The following ARHGEF38 variants were observed in gnomAD, a reference collection of about 807,000 sequenced individuals.
ARHGEF38 encodes the protein Rho guanine nucleotide exchange factor (GEF) 38.
A neutral mutation model predicts 79.9 loss-of-function variants in ARHGEF38; 79 were observed. The observed-to-expected ratio is 0.99, with a 90% CI of 0.82 to 1.19. The LOEUF is 1.19. ARHGEF38 is among the 50% of genes most tolerant of loss of function. The pLI, the probability that ARHGEF38 is intolerant of heterozygous loss-of-function variation, is 0.00. For missense variants in ARHGEF38, 962 were observed against 907.2 expected (o/e 1.06, Z -0.78); for synonymous variants, 366 against 328.3 (o/e 1.11, Z -1.24).
chr4:105,583,482 C>T (rs1388052802), intron 1 of ARHGEF38, among the ~76,000 whole-genome samples: 2 of 152,146 alleles, frequency 1.3e-5, no homozygotes, highest in Admixed American at 1.3e-4. Flanking sequence ...AGTTCATCTG[C>T]TAAAAACCAC....
intron 1 of ARHGEF38, among the ~76,000 whole-genome samples, chr4:105,556,442 C>T (rs541785491): frequency 1.9e-4 from 29 of 152,134 alleles, no homozygotes; most frequent in African/African-American, 6.3e-4. Context: ...AAGGAGGAAA[C>T]GGTCTATTCA....
intron 10 of ARHGEF38, among the ~76,000 whole-genome samples, chr4:105,665,367 C>T (rs905493829): frequency 3.3e-5 from 5 of 151,580 alleles, no homozygotes; most frequent in African/African-American, 9.7e-5. Context: ...CGTGGTGATG[C>T]GTGGCTATAA....
At chr4:105,614,959 G>A (rs970246555) in intron 3 of ARHGEF38, among the ~76,000 whole-genome samples, 1 of 152,158 alleles carries the variant, frequency 6.6e-6, no homozygotes, top group Non-Finnish European at 1.5e-5. Context: ...GGAGGATAAA[G>A]AAAACATTTC....
chr4:105,603,165 T>C (rs182698974), intron 2 of ARHGEF38, among the ~76,000 whole-genome samples: 1 of 152,242 alleles, frequency 6.6e-6, no homozygotes, highest in African/African-American at 2.4e-5. Context: ...CTACAATATA[T>C]TGAGTACTTA....
At position 105,640,677 on chromosome 4, in the gene ARHGEF38, G is replaced by A. The variant is rs371997086; in HGVS notation, c.674+4257G>A. On this transcript the variant is annotated intron_variant, in intron 5 of 13. Transcript: ENST00000420470. Reference sequence around the variant, plus strand: ...CTATTCCTCACAGAATGCATGGGAAGTAAAATGTTAAGAACTTTGTATCTG... The same window carrying A: ...CTATTCCTCACAGAATGCATGGGAAATAAAATGTTAAGAACTTTGTATCTG... Among the ~76,000 whole-genome samples the A allele has an allele frequency of 5.9e-5, 9 of 152,284 alleles. No individual in the cohort carries two copies. In the East Asian group the frequency reaches 1.7e-3, roughly 29 times the overall value.
chr4:105,566,541 C>T (rs2110411836), intron 1 of ARHGEF38, among the ~76,000 whole-genome samples: 1 of 152,280 alleles, frequency 6.6e-6, no homozygotes, highest in Admixed American at 6.5e-5. Flanking sequence ...TCACCTCAAG[C>T]ATTTATCCTT....
At chr4:105,562,869 C>T (rs892555638) in intron 1 of ARHGEF38, among the ~76,000 whole-genome samples, 12 of 152,130 alleles carry the variant, frequency 7.9e-5, no homozygotes, top group Admixed American at 7.2e-4. Flanking sequence ...AGGACATAAG[C>T]CTGGGCACAG....
intron 5 of ARHGEF38, among the ~76,000 whole-genome samples, chr4:105,640,717 T>A (rs1729583655): frequency 6.6e-6 from 1 of 152,198 alleles, no homozygotes; most frequent in Non-Finnish European, 1.5e-5. Flanking sequence ...ACTTTTCTTT[T>A]ACTCTCACGC....
At chr4:105,655,077 T>C (rs1472505248) in intron 8 of ARHGEF38, among the ~76,000 whole-genome samples, 1 of 152,188 alleles carries the variant, frequency 6.6e-6, no homozygotes, top group Non-Finnish European at 1.5e-5. Flanking sequence ...AATGCTGCCT[T>C]CTGTGAAAAG....
intron 4 of ARHGEF38, among the ~76,000 whole-genome samples, chr4:105,635,111 AG>A (rs942510434): frequency 6.6e-6 from 1 of 152,142 alleles, no homozygotes; most frequent in Non-Finnish European, 1.5e-5. Flanking sequence ...TGTGAGTCAA[AG>A]TATAATGTGT....
intron 13 of ARHGEF38, among the ~76,000 whole-genome samples, chr4:105,674,682 C>T (rs1420286831): frequency 6.6e-6 from 1 of 151,862 alleles, no homozygotes; most frequent in African/African-American, 2.4e-5. Flanking sequence ...AAGTGCTCAT[C>T]CTAAACAAAT....
At chr4:105,561,496 A>C (rs1481083934) in intron 1 of ARHGEF38, 2 of 143,624 alleles carry the variant, frequency 1.4e-5, no homozygotes, top group Non-Finnish European at 3.1e-5. Context: ...AATAGAATAG[A>C]ATAGAATAGA....
chr4:105,661,595 T>C (rs1730567854), intron 10 of ARHGEF38, among the ~76,000 whole-genome samples: 1 of 151,588 alleles, frequency 6.6e-6, no homozygotes, highest in African/African-American at 2.4e-5. Context: ...AGCACTGTTT[T>C]AAAACTCATT....
chr4:105,567,959 A>G (rs1726020684), intron 1 of ARHGEF38, among the ~76,000 whole-genome samples: 1 of 117,540 alleles, frequency 8.5e-6, no homozygotes. Flanking sequence ...CAGTCCCCAG[A>G]GTGTGATGTT....
chr4:105,577,504 T>C (rs1173341418), intron 1 of ARHGEF38, among the ~76,000 whole-genome samples: 1 of 152,074 alleles, frequency 6.6e-6, no homozygotes, highest in Non-Finnish European at 1.5e-5. Context: ...CCAATTTTTC[T>C]TTGAATGTCT....
chr4:105,600,947 C>T (rs1727794716), intron 2 of ARHGEF38, among the ~76,000 whole-genome samples: 3 of 152,146 alleles, frequency 2.0e-5, no homozygotes, highest in Non-Finnish European at 4.4e-5. Flanking sequence ...TTCTTACTTC[C>T]ACTCTGGTTC....
chr4:105,604,031 G>T (rs1727935593), intron 2 of ARHGEF38, among the ~76,000 whole-genome samples: 2 of 152,160 alleles, frequency 1.3e-5, no homozygotes, highest in African/African-American at 4.8e-5. Context: ...AGACATCCTG[G>T]GGAAGAAAAC....
chr4:105,552,653 T>G lies in ARHGEF38; in HGVS notation c.-113T>G. ...CCAGGTAACCCTGGAGTGAAGCGGT[T>G]TAGTTAGAAGGGAGCAGATAAACTC... is the stretch of plus-strand genomic sequence containing the variant. On this transcript the variant is annotated 5_prime_UTR_variant, in exon 1 of 14. Coordinates refer to ENST00000420470, the MANE Select transcript of ARHGEF38 (RefSeq NM_001242729.2). 1.3e-6 allele frequency: 1 copy of G among 792,574 alleles called. No homozygotes were observed. The highest frequency in any genetic ancestry group is 1.9e-6 in the Non-Finnish European group (1 of 524,874). 49.1% of individuals were successfully genotyped at this position (792,574 alleles called of 1,614,324 possible). A position where few individuals can be genotyped will look rare whatever the true frequency, so the allele number is the denominator to read the frequency against.
chr4:105,679,181 A>C lies in ARHGEF38; in HGVS notation c.*1244A>C, dbSNP rs11731386. On this transcript the variant is annotated 3_prime_UTR_variant, in exon 14 of 14. Coordinates refer to ENST00000420470, the MANE Select transcript of ARHGEF38 (RefSeq NM_001242729.2). Reference sequence around the variant, plus strand: ...CTACCTGACCAATTGCCAGATCGACAACCTGACTGGCCTGACCAGCCACTC... The same window carrying C: ...CTACCTGACCAATTGCCAGATCGACCACCTGACTGGCCTGACCAGCCACTC... The C allele has an allele frequency of 0.054, 33,236 of 612,150 alleles. 1,094 individuals are homozygous for C. The highest frequency in any genetic ancestry group is 0.093 in the Middle Eastern group (336 of 3,602). 37.9% of individuals were successfully genotyped at this position (612,150 alleles called of 1,614,324 possible). A position where few individuals can be genotyped will look rare whatever the true frequency, so the allele number is the denominator to read the frequency against.
Sources: gnomAD v4.1 joint callset for allele counts (sites outside exome capture counted in the v4.1 genomes callset) on GRCh38, gnomAD v4.1.1 for gene constraint, MANE v1.5 for transcripts, NCBI Gene and HGNC (gene_info 2026-07-23, HGNC 2026-07-21) for gene names.